Variants in UGGT1 observed in about 807,000 individuals in gnomAD.
The protein encoded by UGGT1 is UDP-glucose:glycoprotein glucosyltransferase 1.
UGGT1 carries 107 observed loss-of-function variants against 203.9 expected under a neutral mutation model. The observed-to-expected ratio is 0.52, with a 90% CI of 0.45 to 0.62. UGGT1 has a LOEUF of 0.62. UGGT1 is among the 20% of genes least tolerant of loss of function. UGGT1 has a pLI of 0.00. For missense variants in UGGT1, 1,673 were observed against 1,867.2 expected (o/e 0.90, Z 1.92); for synonymous variants, 628 against 653.5 (o/e 0.96, Z 0.59).
At position 128,159,658 on chromosome 2, in the gene UGGT1, G is replaced by A. The variant is rs748754019; in HGVS notation, c.2500G>A (p.Ala834Thr). 14 of 1,614,076 alleles carry A rather than the reference G, an allele frequency of 8.7e-6. No homozygotes were observed. In the Admixed American group the frequency reaches 1.0e-4, roughly 12 times the overall value. ...NAAKNFITKM[A>T]KEGAAEALAA... ...TGCTAAGAACTTCATCACCAAAATG[G>A]CCAAGGAGGGGGCTGCAGAGGCCCT... is the stretch of plus-strand genomic sequence containing the variant. Residue 834 changes from alanine (A) to threonine (T), a missense_variant, in exon 23 of 41, where the codon GCC becomes ACC. Around this residue, in one of 4 missense-constraint regions of UGGT1, gnomAD observed 1,073 missense variants for 1,078.7 expected, o/e 0.99. Coordinates refer to ENST00000259253, the MANE Select transcript of UGGT1 (RefSeq NM_020120.4).
chr2:128,101,158 T>C (rs1246773507), intron 2 of UGGT1, among the ~76,000 whole-genome samples: 1 of 152,218 alleles, frequency 6.6e-6, no homozygotes, highest in Non-Finnish European at 1.5e-5. Flanking sequence ...GAGCTATGCT[T>C]ATTAGAATCC....
At position 128,138,719 on chromosome 2, in the gene UGGT1, T is replaced by A. The variant is rs1216463232; in HGVS notation, c.1586T>A (p.Ile529Asn). 1 of 1,609,534 alleles carries A rather than the reference T, an allele frequency of 6.2e-7. No individual in the cohort carries two copies. The highest frequency in any genetic ancestry group is 8.5e-7 in the Non-Finnish European group (1 of 1,178,996). ...MFLSNHIPLR[I>N]GFIFVVNDSE... ...TTTTCTTTTCCCTTTCCCTCCAGAA[T>A]TGGTTTTATCTTTGTGGTTAATGAC... The change falls in exon 16 of 41, where the codon ATT (isoleucine) becomes AAT (asparagine). Residue 529 changes from isoleucine (I) to asparagine (N), a missense_variant and splice_region_variant. Physicochemically the swap from Ile to Asn is moderately radical, Grantham distance 149. This residue lies in a region of UGGT1 where 1,073 missense variants were observed against 1,078.7 expected (regional missense o/e 0.99). Transcript: ENST00000259253.
chr2:128,179,526 A>C (rs981947763), intron 34 of UGGT1, among the ~76,000 whole-genome samples: 5 of 152,238 alleles, frequency 3.3e-5, no homozygotes, highest in Non-Finnish European at 5.9e-5. Context: ...TTAGAGGTGT[A>C]ACAGAATTAA....
chr2:128,109,800 C>A, intron 5 of UGGT1, 54 bp downstream of exon 5: 1 of 1,443,350 alleles, frequency 6.9e-7, no homozygotes, highest in Non-Finnish European at 9.7e-7. Flanking sequence ...GCTGCTTCTG[C>A]ATTTGGTCTA....
Position 128,143,233 on chromosome 2 carries a change from A to G in UGGT1, c.1851+8A>G, listed in dbSNP as rs767992007. 109 of 1,612,528 alleles carry G rather than the reference A, an allele frequency of 6.8e-5. No homozygotes were observed. The highest frequency in any genetic ancestry group is 9.0e-5 in the Non-Finnish European group (106 of 1,179,450). On this transcript the variant is annotated splice_region_variant and intron_variant, in intron 17 of 40. Coordinates refer to ENST00000259253, the MANE Select transcript of UGGT1 (RefSeq NM_020120.4). Reference sequence around the variant, plus strand: ...TATGATCGGAATCGGAAGGTAAAAAATTTCTTTGTGTTTCTTATTTGATTG... The same window carrying G: ...TATGATCGGAATCGGAAGGTAAAAAGTTTCTTTGTGTTTCTTATTTGATTG...
At position 128,116,513 on chromosome 2, in the gene UGGT1, GT is replaced by G. The variant is rs1430834411; in HGVS notation, c.872+173del. 2.0e-5 allele frequency among the ~76,000 whole-genome samples: 3 copies of G among 151,998 alleles called. No homozygotes were observed. In the East Asian group the frequency reaches 5.8e-4, roughly 29 times the overall value. On this transcript the variant is annotated intron_variant, in intron 8 of 40. Transcript: ENST00000259253. ...AGTCAACCACTTAGTTTATAGTACA[GT>G]TTATGATTTCACATTATTCTTTTTT...
intron 16 of UGGT1, among the ~76,000 whole-genome samples, chr2:128,142,155 C>G (rs1233662608): frequency 2.0e-5 from 3 of 151,770 alleles, no homozygotes; most frequent in African/African-American, 7.3e-5. Context: ...AGGCTGTTCT[C>G]GAACTCCTGA....
rs188100490 is a variant in UGGT1 at position 128,155,598 on chromosome 2, T to A, written c.2236+11T>A. ...ATCTGACAAAGAAAGGTAATCCATT[T>A]GAGGCTTATTATCTTGCATTCAACA... is the stretch of plus-strand genomic sequence containing the variant. On this transcript the variant is annotated intron_variant, in intron 20 of 40. Transcript: ENST00000259253. 1,901 of 1,600,622 alleles carry A rather than the reference T, an allele frequency of 1.2e-3. 15 individuals are homozygous for A. In the African/African-American group the frequency reaches 0.02, roughly 17 times the overall value.
chr2:128,130,684 T>C (rs1688835186), intron 13 of UGGT1, among the ~76,000 whole-genome samples: 2 of 152,214 alleles, frequency 1.3e-5, no homozygotes, highest in African/African-American at 2.4e-5. Context: ...TCTTTGTCCC[T>C]TACCAACCAC....
chr2:128,177,763 T>C (rs756321942), intron 32 of UGGT1, 69 bp from the exon 33 acceptor site: 1 of 1,298,614 alleles, frequency 7.7e-7, no homozygotes, highest in Admixed American at 2.2e-5. Flanking sequence ...TCACAGTGTA[T>C]ATCCAGTGAG....
At position 128,186,910 on chromosome 2, in the gene UGGT1, T is replaced by C. The variant is rs1049034382; in HGVS notation, c.4476+111T>C. The C allele has an allele frequency of 1.4e-5, 11 of 807,124 alleles. No individual in the cohort carries two copies. The South Asian group carries it at 1.5e-4, about 11-fold the overall frequency. 50.0% of individuals were successfully genotyped at this position (807,124 alleles called of 1,614,324 possible). ...AATTTAAGAATTTCCTAGATTCTTA[T>C]TTAGACTTTCTCTGTAATTGTGTAG... On this transcript the variant is annotated intron_variant, in intron 39 of 40. Transcript: ENST00000259253.
intron 3 of UGGT1, among the ~76,000 whole-genome samples, chr2:128,106,251 A>G (rs1296628154): frequency 6.6e-6 from 1 of 152,168 alleles, no homozygotes. Context: ...AAATTTATCA[A>G]AGTGGGTTTA....
At chr2:128,110,495 C>T (rs753733978) in intron 5 of UGGT1, among the ~76,000 whole-genome samples, 2 of 152,142 alleles carry the variant, frequency 1.3e-5, no homozygotes, top group East Asian at 1.9e-4. Flanking sequence ...CAGCCATCTC[C>T]GGGTCAAGGC....
At chr2:128,174,946 G>A in intron 31 of UGGT1, 88 bp downstream of exon 31, 1 of 1,135,522 alleles carries the variant, frequency 8.8e-7, no homozygotes, top group Non-Finnish European at 1.3e-6. Flanking sequence ...CAGTTAGCCA[G>A]GCAACATGAA....
At chr2:128,104,425 T>C (rs1375967312) in intron 3 of UGGT1, among the ~76,000 whole-genome samples, 1 of 152,226 alleles carries the variant, frequency 6.6e-6, no homozygotes, top group Non-Finnish European at 1.5e-5. Flanking sequence ...CAGAGTGTTT[T>C]CCATTATGCC....
intron 14 of UGGT1, among the ~76,000 whole-genome samples, chr2:128,133,683 C>A (rs1235183377): frequency 1.3e-5 from 2 of 151,822 alleles, no homozygotes; most frequent in African/African-American, 2.4e-5. Context: ...TTTTTTAGGG[C>A]AGTTTTAGTT....
chr2:128,170,526 CA>C, intron 27 of UGGT1, 136 bp downstream of exon 27: 1 of 669,532 alleles, frequency 1.5e-6, no homozygotes, highest in South Asian at 2.0e-5. Flanking sequence ...TAGGGCAGAG[CA>C]ATCTTTACAA....
chr2:128,182,730 C>T (rs944274997), intron 37 of UGGT1, among the ~76,000 whole-genome samples: 4 of 144,456 alleles, frequency 2.8e-5, no homozygotes, highest in South Asian at 2.3e-4. Flanking sequence ...GTAAAAAAAA[C>T]TTCCTAATCC....
intron 25 of UGGT1, among the ~76,000 whole-genome samples, chr2:128,162,396 C>T (rs534081859): frequency 2.6e-5 from 4 of 151,744 alleles, no homozygotes; most frequent in South Asian, 2.1e-4. Context: ...GCTGAGATTG[C>T]GCCACTGCAC....
Sources: gnomAD v4.1 joint callset for allele counts (sites outside exome capture counted in the v4.1 genomes callset) on GRCh38, gnomAD v4.1.1 for gene constraint, gnomAD v4.1.1 regional missense constraint, MANE v1.5 for transcripts, NCBI Gene and HGNC (gene_info 2026-07-23, HGNC 2026-07-21) for gene names.